TMEM132C: variants seen among roughly 807,000 people sequenced by gnomAD.
TMEM132C encodes transmembrane protein 132C.
A neutral mutation model predicts 61.4 loss-of-function variants in TMEM132C; 29 were observed. The observed-to-expected ratio is 0.47, with a 90% CI of 0.35 to 0.64. The LOEUF (loss-of-function observed/expected upper bound fraction) is 0.64. TMEM132C is among the 30% of genes least tolerant of loss of function. The probability of loss-of-function intolerance (pLI) is 0.00; values close to 1 mark genes in which losing one functional copy is unlikely to be tolerated. For synonymous variants in TMEM132C, 656 were observed against 633.1 expected (o/e 1.04, Z -0.54); for missense variants, 1,408 against 1,476.9 (o/e 0.95, Z 0.76).
intron 2 of TMEM132C, among the ~76,000 whole-genome samples, chr12:128,538,077 C>T (rs961194671): frequency 6.6e-6 from 1 of 151,986 alleles, no homozygotes; most frequent in African/African-American, 2.4e-5. Flanking sequence ...ACTACAGGCA[C>T]ACTCTGTCAT....
intron 2 of TMEM132C, among the ~76,000 whole-genome samples, chr12:128,424,743 A>G (rs559903986): frequency 6.6e-6 from 1 of 152,354 alleles, no homozygotes; most frequent in South Asian, 2.1e-4. Context: ...GTGTCATGGA[A>G]AAGGCTATTG....
At chr12:128,334,015 C>A (rs1872732176) in intron 1 of TMEM132C, among the ~76,000 whole-genome samples, 1 of 151,708 alleles carries the variant, frequency 6.6e-6, no homozygotes, top group African/African-American at 2.4e-5. Flanking sequence ...ACTGTGTGAC[C>A]AGGTGTGTGC....
intron 5 of TMEM132C, among the ~76,000 whole-genome samples, chr12:128,670,549 C>T (rs1159056747): frequency 6.6e-6 from 1 of 152,164 alleles, no homozygotes; most frequent in Non-Finnish European, 1.5e-5. Context: ...GCCTGGCTTA[C>T]TTCACTTAAC....
At chr12:128,502,795 A>G (rs945168840) in intron 2 of TMEM132C, among the ~76,000 whole-genome samples, 1 of 152,214 alleles carries the variant, frequency 6.6e-6, no homozygotes, top group Non-Finnish European at 1.5e-5. Flanking sequence ...CCCCAATGGA[A>G]TGTGCCTACC....
intron 3 of TMEM132C, among the ~76,000 whole-genome samples, chr12:128,615,706 T>C (rs1347931796): frequency 6.6e-6 from 1 of 152,162 alleles, no homozygotes; most frequent in Non-Finnish European, 1.5e-5. Context: ...GCCACTCACC[T>C]CCTGCTGTGC....
chr12:128,537,881 A>G (rs922470772), intron 2 of TMEM132C, among the ~76,000 whole-genome samples: 2 of 152,198 alleles, frequency 1.3e-5, no homozygotes, highest in Admixed American at 6.5e-5. Context: ...TATGGTCAAT[A>G]TTATCATTGG....
At chr12:128,405,987 TGTTA>T (rs1875331536) in intron 1 of TMEM132C, among the ~76,000 whole-genome samples, 2 of 152,346 alleles carry the variant, frequency 1.3e-5, no homozygotes, top group South Asian at 4.1e-4. Flanking sequence ...CTGCAACAAT[TGTTA>T]GTTTACTTCT....
Position 128,345,390 on chromosome 12 carries a change from A to G in TMEM132C, c.86-69342A>G, listed in dbSNP as rs551520952. Among the ~76,000 whole-genome samples the G allele has an allele frequency of 3.9e-5, 6 of 152,326 alleles. No individual in the cohort carries two copies. In the East Asian group the frequency reaches 1.2e-3, roughly 29 times the overall value. On this transcript the variant is annotated intron_variant, in intron 1 of 8. Coordinates refer to ENST00000435159, the MANE Select transcript of TMEM132C (RefSeq NM_001136103.3). ...GTATGTGTACGTGTGTCTTTAAAAAAGAATGATTTATATTCCTTTGAGTAT... is the reference window on the plus strand; with the variant it reads ...GTATGTGTACGTGTGTCTTTAAAAAGGAATGATTTATATTCCTTTGAGTAT...
At chr12:128,473,559 C>T (rs1229767253) in intron 2 of TMEM132C, among the ~76,000 whole-genome samples, 295 of 142,114 alleles carry the variant, frequency 2.1e-3, no homozygotes, top group South Asian at 0.015. Flanking sequence ...CATCCATCTT[C>T]ATCCTTACTC....
intron 3 of TMEM132C, among the ~76,000 whole-genome samples, chr12:128,548,123 C>T (rs1874026717): frequency 6.6e-6 from 1 of 152,150 alleles, no homozygotes; most frequent in Non-Finnish European, 1.5e-5. Flanking sequence ...GTTGATGCCT[C>T]AAGGGCTCTG....
rs200178168 is a variant in TMEM132C at position 128,476,244 on chromosome 12, C to G, written c.974+60624C>G. Among the ~76,000 whole-genome samples, 13 of 144,626 alleles carry G rather than the reference C, an allele frequency of 9.0e-5. No homozygotes were observed. In the East Asian group the frequency reaches 2.6e-3, roughly 29 times the overall value. The allele number at this position is 144,626 out of a possible 152,430, so 94.9% of individuals were successfully genotyped here. A position where few individuals can be genotyped will look rare whatever the true frequency, so the allele number is the denominator to read the frequency against. ...CAGCAATGTCTGATGCCTGTGTCCA[C>G]AAGATAGGGATGCAGCAAGCTCCTG... On this transcript the variant is annotated intron_variant, in intron 2 of 8. Transcript: ENST00000435159.
intron 1 of TMEM132C, among the ~76,000 whole-genome samples, chr12:128,269,541 C>T (rs1870440592): frequency 6.6e-6 from 1 of 152,130 alleles, no homozygotes; most frequent in African/African-American, 2.4e-5. Flanking sequence ...AGCGAAGCCC[C>T]ACCCCTATCC....
intron 2 of TMEM132C, among the ~76,000 whole-genome samples, chr12:128,489,011 T>C (rs1251619226): frequency 1.3e-5 from 2 of 152,234 alleles, no homozygotes; most frequent in Non-Finnish European, 2.9e-5. Context: ...TGGAGGATCC[T>C]TTCAAGGCTG....
intron 3 of TMEM132C, among the ~76,000 whole-genome samples, chr12:128,552,005 TG>T (rs1874190466): frequency 6.6e-6 from 1 of 152,254 alleles, no homozygotes; most frequent in South Asian, 2.1e-4. Flanking sequence ...CTTTAAACTG[TG>T]GGCATACTCT....
At chr12:128,551,301 C>G (rs1874167679) in intron 3 of TMEM132C, among the ~76,000 whole-genome samples, 1 of 151,798 alleles carries the variant, frequency 6.6e-6, no homozygotes, top group African/African-American at 2.4e-5. Flanking sequence ...AACAGCTGTT[C>G]TGCTGGAGTG....
chr12:128,268,796 C>T (rs1870407066), intron 1 of TMEM132C, among the ~76,000 whole-genome samples: 2 of 151,222 alleles, frequency 1.3e-5, no homozygotes, highest in Admixed American at 1.3e-4. Flanking sequence ...TGCGCTTTCC[C>T]AGATACACCA....
intron 1 of TMEM132C, among the ~76,000 whole-genome samples, chr12:128,339,563 G>A (rs558117295): frequency 4.6e-5 from 7 of 152,084 alleles, no homozygotes; most frequent in African/African-American, 1.2e-4. Context: ...CTCTGGCTCT[G>A]GGGACTGCTG....
rs1234147944 is a variant in TMEM132C, at chr12:128,669,407, T to C, written c.1306-10T>C. 2 of 1,551,416 alleles carry C rather than the reference T, an allele frequency of 1.3e-6. No homozygotes were observed. Among genetic ancestry groups the C allele is most frequent in the Non-Finnish European group, 1.7e-6 (2 of 1,146,852 alleles). On this transcript the variant is annotated splice_polypyrimidine_tract_variant and intron_variant, in intron 4 of 8. Coordinates refer to ENST00000435159, the MANE Select transcript of TMEM132C (RefSeq NM_001136103.3). ...TCCCTTGACCCAGTGTGTTTGATTC[T>C]TTTTGGCAGGACACTGAAATTCTGA...
intron 1 of TMEM132C, among the ~76,000 whole-genome samples, chr12:128,319,586 G>C (rs1872261819): frequency 6.6e-6 from 1 of 152,084 alleles, no homozygotes; most frequent in South Asian, 2.1e-4. Flanking sequence ...CCAGCACTTT[G>C]GGAGGCCGAG....
Sources: allele counts gnomAD v4.1 joint callset (sites outside exome capture counted in the v4.1 genomes callset), GRCh38; gene constraint gnomAD v4.1.1; transcripts MANE v1.5; gene names NCBI Gene and HGNC (gene_info 2026-07-23, HGNC 2026-07-21).